Variants in CNTN3 observed in about 807,000 individuals in gnomAD.
The protein encoded by CNTN3 is contactin 3.
CNTN3 carries 60 observed loss-of-function variants against 119.1 expected under a neutral mutation model. That is an observed-to-expected ratio of 0.50 (90% CI 0.41 to 0.62). CNTN3 has a LOEUF of 0.62. Among genes scored for constraint, CNTN3 ranks in the 20% least tolerant of loss-of-function variants. The pLI is 0.00. For missense variants in CNTN3, 1,101 were observed against 1,242.4 expected (o/e 0.89, Z 1.71); for synonymous variants, 450 against 438.7 (o/e 1.03, Z -0.32).
intron 1 of CNTN3, among the ~76,000 whole-genome samples, chr3:74,546,277 G>A (rs961461592): frequency 6.6e-6 from 1 of 152,194 alleles, no homozygotes; most frequent in Non-Finnish European, 1.5e-5. Flanking sequence ...TTACAGGCAT[G>A]AGCCACTGTG....
intron 4 of CNTN3, among the ~76,000 whole-genome samples, chr3:74,453,232 G>C (rs979161796): frequency 4.1e-5 from 5 of 120,906 alleles, no homozygotes; most frequent in African/African-American, 9.1e-5. Context: ...ACTTCTTCCT[G>C]GTTTAGTCTT....
At chr3:74,478,196 C>T (rs1403771339) in intron 4 of CNTN3, among the ~76,000 whole-genome samples, 1 of 152,054 alleles carries the variant, frequency 6.6e-6, no homozygotes, top group Non-Finnish European at 1.5e-5. Context: ...GTGAGCCAAG[C>T]ATGGAAGTGA....
At chr3:74,296,282 T>A (rs1235967150) in intron 18 of CNTN3, among the ~76,000 whole-genome samples, 1 of 152,126 alleles carries the variant, frequency 6.6e-6, no homozygotes, top group Admixed American at 6.6e-5. Context: ...GAGGCAACAA[T>A]GCGTAAGAGG....
At chr3:74,392,231 G>C (rs1052694664) in intron 5 of CNTN3, among the ~76,000 whole-genome samples, 4 of 152,200 alleles carry the variant, frequency 2.6e-5, no homozygotes, top group African/African-American at 9.6e-5. Context: ...CTCCAACAGA[G>C]AAAGGGCCTG....
At chr3:74,403,988 T>C (rs1310321898) in intron 5 of CNTN3, among the ~76,000 whole-genome samples, 1 of 152,110 alleles carries the variant, frequency 6.6e-6, no homozygotes, top group Non-Finnish European at 1.5e-5. Flanking sequence ...AAACTCGTAA[T>C]ACTTTCATCT....
intron 2 of CNTN3, among the ~76,000 whole-genome samples, chr3:74,516,849 T>G (rs923141457): frequency 1.4e-5 from 2 of 143,868 alleles, no homozygotes; most frequent in South Asian, 4.1e-4. Context: ...AGTCACAAGA[T>G]GTCTGGCTCC....
At chr3:74,576,404 A>T (rs1211053239) in intron 1 of CNTN3, among the ~76,000 whole-genome samples, 2 of 152,212 alleles carry the variant, frequency 1.3e-5, no homozygotes, top group African/African-American at 4.8e-5. Flanking sequence ...TCAAGTAAAA[A>T]TGGAACAACA....
At chr3:74,460,061 T>C (rs1319792963) in intron 4 of CNTN3, among the ~76,000 whole-genome samples, 2 of 152,012 alleles carry the variant, frequency 1.3e-5, no homozygotes, top group Non-Finnish European at 2.9e-5. Context: ...GTCAAAAAAT[T>C]AGTTGAGAAT....
In CNTN3 at chr3:74,566,878, T is replaced by A. The variant is rs532677730; in HGVS notation, c.-80-45686A>T. Among the ~76,000 whole-genome samples the A allele has an allele frequency of 2.0e-5, 3 of 152,216 alleles. No homozygotes were observed. In the East Asian group the frequency reaches 5.8e-4, roughly 29 times the overall value. On this transcript the variant is annotated intron_variant, in intron 1 of 22. Transcript: ENST00000263665. Reference sequence around the variant, plus strand: ...CAGGAATGCAGACAAGTTATGGCAATCCTACATGAAAGAAGGTGATGGAAC... The same window carrying A: ...CAGGAATGCAGACAAGTTATGGCAAACCTACATGAAAGAAGGTGATGGAAC...
chr3:74,590,481 C>CGCA, intron 1 of CNTN3, among the ~76,000 whole-genome samples: 1 of 151,672 alleles, frequency 6.6e-6, no homozygotes, highest in Admixed American at 6.6e-5. Context: ...GAGACAGGGA[C>CGCA]GCAGTGCTCA....
intron 13 of CNTN3, among the ~76,000 whole-genome samples, chr3:74,303,388 T>G (rs150052002): frequency 0.016 from 2,366 of 152,188 alleles, 18 homozygotes; most frequent in Middle Eastern, 0.02. Context: ...ATTAAAACAT[T>G]TTAAACCTTA....
At chr3:74,543,136 C>CA (rs564514751) in intron 1 of CNTN3, among the ~76,000 whole-genome samples, 63 of 147,934 alleles carry the variant, frequency 4.3e-4, no homozygotes, top group Admixed American at 1.1e-3. Context: ...TCTCAAATAA[C>CA]AAAAAAAAAA....
At chr3:74,371,506 G>C (rs1049788847) in intron 5 of CNTN3, 107 bp from the exon 6 acceptor site, 12 of 762,188 alleles carry the variant, frequency 1.6e-5, no homozygotes, top group Non-Finnish European at 2.6e-5. Flanking sequence ...AAGTAGTGCT[G>C]AGTGTTTTTG....
intron 11 of CNTN3, among the ~76,000 whole-genome samples, chr3:74,357,742 T>C (rs1703971429): frequency 1.3e-5 from 2 of 152,142 alleles, no homozygotes; most frequent in South Asian, 4.1e-4. Flanking sequence ...TATCATAAGT[T>C]TCTTATTCGC....
intron 4 of CNTN3, among the ~76,000 whole-genome samples, chr3:74,432,487 A>G (rs1192746410): frequency 6.6e-6 from 1 of 152,196 alleles, no homozygotes; most frequent in Non-Finnish European, 1.5e-5. Context: ...CACAGGTTGG[A>G]CAAGCTTGCT....
intron 3 of CNTN3, among the ~76,000 whole-genome samples, chr3:74,490,740 A>G (rs1007513361): frequency 6.6e-6 from 1 of 152,184 alleles, no homozygotes; most frequent in African/African-American, 2.4e-5. Context: ...CAATCTCTAG[A>G]TTATTTCACT....
chr3:74,476,613 C>T (rs1190164709), intron 4 of CNTN3, among the ~76,000 whole-genome samples: 2 of 151,878 alleles, frequency 1.3e-5, no homozygotes, highest in South Asian at 4.1e-4. Context: ...TCTGATCTAA[C>T]AAAACAACAC....
At chr3:74,361,814 T>C in intron 11 of CNTN3, 76 bp downstream of exon 11, 2 of 1,416,280 alleles carry the variant, frequency 1.4e-6, no homozygotes, top group South Asian at 1.5e-5. Flanking sequence ...TTTCATTTCA[T>C]ATTTAAAACC....
intron 13 of CNTN3, among the ~76,000 whole-genome samples, chr3:74,331,474 G>A (rs776327616): frequency 4.6e-5 from 7 of 152,076 alleles, no homozygotes; most frequent in Admixed American, 1.3e-4. Flanking sequence ...TATCCCCATC[G>A]TTAAGCAACA....
Sources: gnomAD v4.1 joint callset for allele counts (sites outside exome capture counted in the v4.1 genomes callset) on GRCh38, gnomAD v4.1.1 for gene constraint, MANE v1.5 for transcripts, NCBI Gene and HGNC (gene_info 2026-07-23, HGNC 2026-07-21) for gene names.